Variants in CALHM4 observed in about 807,000 individuals in gnomAD.
The protein encoded by CALHM4 is calcium homeostasis modulator protein 4.
CALHM4 carries 16 observed loss-of-function variants against 13.3 expected under a neutral mutation model. The observed-to-expected ratio is 1.20, with a 90% CI of 0.81 to 1.82. The LOEUF is 1.82. Ranked by LOEUF, CALHM4 falls within the 40% of genes most tolerant of loss-of-function variation. The pLI, the probability that CALHM4 is intolerant of heterozygous loss-of-function variation, is 0.00. For synonymous variants in CALHM4, 127 were observed against 137.1 expected, an observed-to-expected ratio of 0.93 and a Z score of 0.52; for missense variants, 344 against 374.9, an observed-to-expected ratio of 0.92 and a Z score of 0.68.
In CALHM4 at chr6:116,545,508, G is replaced by A. The variant is rs1157989535; in HGVS notation, c.-1+1636G>A. 13 of 1,547,652 alleles carry A rather than the reference G, an allele frequency of 8.4e-6. No homozygotes were observed. The highest frequency in any genetic ancestry group is 2.5e-5 in the East Asian group (1 of 40,790). On this transcript the variant is annotated intron_variant, in intron 2 of 2. Transcript: ENST00000368597. ...TATTCTGGTCTTCGGTGTGCAGGGC[G>A]AGACATAGTGCTTGATAGATGAAGA...
intron 1 of CALHM4, among the ~76,000 whole-genome samples, chr6:116,537,042 G>C (rs150125580): frequency 6.6e-6 from 1 of 152,308 alleles, no homozygotes; most frequent in East Asian, 1.9e-4. Context: ...TGACATTAGT[G>C]CTACAAGTAA....
upstream of CALHM4, among the ~76,000 whole-genome samples, chr6:116,550,375 T>G (rs1348266816): frequency 6.6e-6 from 1 of 152,170 alleles, no homozygotes; most frequent in Non-Finnish European, 1.5e-5. Flanking sequence ...GTCCCAGTCC[T>G]GGCACTTCCG....
Position 116,554,358 on chromosome 6 carries a change from T to G in CALHM4, c.558+7T>G, listed in dbSNP as rs1410396579. Reference sequence around the variant, plus strand: ...GCACAGATACCAGTCACAGGTAAGTTTTTAGAATTTTTTTCCCTCTGCTAT... The same window carrying G: ...GCACAGATACCAGTCACAGGTAAGTGTTTAGAATTTTTTTCCCTCTGCTAT... On this transcript the variant is annotated splice_region_variant and intron_variant, in intron 1 of 1. Coordinates refer to ENST00000368596, the MANE Select transcript of CALHM4 (RefSeq NM_001366078.2). The G allele has an allele frequency of 9.3e-6, 14 of 1,512,698 alleles. No individual in the cohort carries two copies. Among genetic ancestry groups the G allele is most frequent in the Non-Finnish European group, 1.2e-5 (14 of 1,132,668 alleles). 93.7% of individuals were successfully genotyped at this position (1,512,698 alleles called of 1,614,324 possible).
chr6:116,555,663 A>G (rs1310698018), intron 1 of CALHM4, among the ~76,000 whole-genome samples: 1 of 152,224 alleles, frequency 6.6e-6, no homozygotes, highest in African/African-American at 2.4e-5. Flanking sequence ...AATAAACTGG[A>G]TCAAGATATC....
At chr6:116,545,008 C>G (rs951234593) in intron 2 of CALHM4, among the ~76,000 whole-genome samples, 1 of 151,630 alleles carries the variant, frequency 6.6e-6, no homozygotes, top group Non-Finnish European at 1.5e-5. Flanking sequence ...TATTACATAC[C>G]AAGCTACAAT....
intron 1 of CALHM4, among the ~76,000 whole-genome samples, chr6:116,542,380 G>A (rs1007441748): frequency 7.2e-5 from 11 of 152,102 alleles, no homozygotes; most frequent in African/African-American, 1.9e-4. Context: ...AAAAATGAGA[G>A]TTTTTTAAAA....
At chr6:116,537,023 T>G (rs1773138624) in intron 1 of CALHM4, among the ~76,000 whole-genome samples, 1 of 152,218 alleles carries the variant, frequency 6.6e-6, no homozygotes, top group Admixed American at 6.5e-5. Context: ...AAAGTGCTCC[T>G]GAAATGGGTG....
intron 1 of CALHM4, among the ~76,000 whole-genome samples, chr6:116,533,672 T>C (rs1772888403): frequency 1.3e-5 from 2 of 152,204 alleles, no homozygotes; most frequent in African/African-American, 4.8e-5. Flanking sequence ...GCCCTACTTG[T>C]AACGCTAGAG....
chr6:116,539,451 T>A (rs186071230), intron 1 of CALHM4, among the ~76,000 whole-genome samples: 11 of 152,296 alleles, frequency 7.2e-5, no homozygotes, highest in Non-Finnish European at 1.5e-4. Flanking sequence ...TAATGTAGAA[T>A]TTTTCCCCAC....
At chr6:116,542,832 C>T (rs756987189) in intron 1 of CALHM4, among the ~76,000 whole-genome samples, 1 of 152,018 alleles carries the variant, frequency 6.6e-6, no homozygotes, top group Non-Finnish European at 1.5e-5. Context: ...ATTCACAATT[C>T]CTATTTTCTC....
In CALHM4 at chr6:116,560,353, G is replaced by A. The variant is rs1053008990; in HGVS notation, c.*2142G>A. Among the ~76,000 whole-genome samples the A allele has an allele frequency of 6.6e-6, 1 of 152,120 alleles. No homozygotes were observed. Among genetic ancestry groups the A allele is most frequent in the East Asian group, 1.9e-4 (1 of 5,196 alleles). ...TATAGCATTACATCATCAGAAAGAA[G>A]ATTAATAGTTGTTTATACCCTAATA... On this transcript the variant is annotated 3_prime_UTR_variant, in exon 2 of 2. Transcript: ENST00000368596.
At chr6:116,536,286 G>A (rs958872264) in intron 1 of CALHM4, among the ~76,000 whole-genome samples, 4 of 152,100 alleles carry the variant, frequency 2.6e-5, no homozygotes, top group Admixed American at 1.3e-4. Context: ...TGCCTTCAAT[G>A]ATTTGGCCAT....
At chr6:116,537,536 C>T (rs1231607236) in intron 1 of CALHM4, among the ~76,000 whole-genome samples, 1 of 152,126 alleles carries the variant, frequency 6.6e-6, no homozygotes, top group Non-Finnish European at 1.5e-5. Context: ...CTATGCTCTC[C>T]ATAGAACATT....
At chr6:116,551,566 T>A (rs1251825676), upstream of CALHM4, among the ~76,000 whole-genome samples, 1 of 152,160 alleles carries the variant, frequency 6.6e-6, no homozygotes, top group African/African-American at 2.4e-5. Context: ...TTTTGCTGAG[T>A]AGTATTCCAT....
rs552829050 is a variant in CALHM4 at position 116,558,408 on chromosome 6, A to G, written c.*197A>G. The G allele has an allele frequency of 3.2e-6, 2 of 621,438 alleles. No individual in the cohort carries two copies. Among genetic ancestry groups the G allele is most frequent in the African/African-American group, 1.8e-5 (1 of 54,258 alleles). The allele number at this position is 621,438 out of a possible 1,614,324, so 38.5% of individuals were successfully genotyped here. On this transcript the variant is annotated 3_prime_UTR_variant, in exon 2 of 2. Transcript: ENST00000368596. The stretch of plus-strand genomic sequence containing the variant: ...AATCTCTCATTTTGAAATTTTGCCA[A>G]TGGTCTGGTAATGCCTAGAGTGGAA...
At chr6:116,535,389 C>A (rs1327682846) in intron 1 of CALHM4, among the ~76,000 whole-genome samples, 1 of 152,186 alleles carries the variant, frequency 6.6e-6, no homozygotes, top group Non-Finnish European at 1.5e-5. Flanking sequence ...AGGATCACAG[C>A]TCCTTGTGTC....
intron 2 of CALHM4, among the ~76,000 whole-genome samples, chr6:116,548,449 A>T (rs1773906374): frequency 2.6e-5 from 4 of 152,228 alleles, no homozygotes; most frequent in Admixed American, 2.6e-4. Context: ...GGCACTGCAG[A>T]TGAAGTGATT....
At chr6:116,536,345 C>G (rs1562350901) in intron 1 of CALHM4, among the ~76,000 whole-genome samples, 2 of 152,072 alleles carry the variant, frequency 1.3e-5, no homozygotes, top group African/African-American at 4.8e-5. Flanking sequence ...CTTAAGTCTA[C>G]TACTTGTTAA....
intron 1 of CALHM4, among the ~76,000 whole-genome samples, chr6:116,556,460 G>A (rs1308879565): frequency 6.6e-6 from 1 of 152,208 alleles, no homozygotes; most frequent in African/African-American, 2.4e-5. Flanking sequence ...CATCTGAGAT[G>A]GCTTTTCCTC....
Sources: allele counts gnomAD v4.1 joint callset (sites outside exome capture counted in the v4.1 genomes callset), GRCh38; gene constraint gnomAD v4.1.1; transcripts MANE v1.5; gene names NCBI Gene and HGNC (gene_info 2026-07-23, HGNC 2026-07-21).